Variants in PIP4K2A observed in about 807,000 individuals in gnomAD.
The protein encoded by PIP4K2A is phosphatidylinositol-5-phosphate 4-kinase type 2 alpha, also known as phosphatidylinositol 5-phosphate 4-kinase type-2 alpha.
A neutral mutation model predicts 42.9 loss-of-function variants in PIP4K2A; 14 were observed. The ratio of observed to expected loss-of-function variants is 0.33; its 90% CI spans 0.22 to 0.51. The LOEUF (loss-of-function observed/expected upper bound fraction) is 0.51, where lower values mean the gene tolerates loss of function less well. PIP4K2A is among the 20% of genes least tolerant of loss of function. PIP4K2A has a pLI of 0.97. For synonymous variants in PIP4K2A, 192 were observed against 192.2 expected (o/e 1.00, Z 0.01); for missense variants, 434 against 519.8 (o/e 0.83, Z 1.61).
At chr10:22,568,916 C>G in intron 5 of PIP4K2A, 1 of 898,598 alleles carries the variant, frequency 1.1e-6, no homozygotes, top group South Asian at 1.4e-5. Flanking sequence ...CCCTAACTAT[C>G]GTGAGGTCAG....
rs544479983 is a variant in PIP4K2A, at chr10:22,630,248, T to A, written c.145-20531A>T. On this transcript the variant is annotated intron_variant, in intron 1 of 9. Coordinates refer to ENST00000376573, the MANE Select transcript of PIP4K2A (RefSeq NM_005028.5). ...TTATTTGGAGGGCTGGGGTTTCATA[T>A]CAAACAGCCTTTTTGTTTGATATGA... 1.5e-4 allele frequency among the ~76,000 whole-genome samples: 23 copies of A among 152,082 alleles called. 1 individual carries two copies. Among genetic ancestry groups the A allele is most frequent in the Admixed American group, 1.5e-3 (23 of 15,292 alleles).
intron 1 of PIP4K2A, among the ~76,000 whole-genome samples, chr10:22,641,312 C>G (rs748080369): frequency 4.0e-4 from 61 of 152,204 alleles, no homozygotes; most frequent in Non-Finnish European, 2.6e-4. Flanking sequence ...TTAACAAGGC[C>G]ACTCTCTGCC....
intron 1 of PIP4K2A, among the ~76,000 whole-genome samples, chr10:22,668,476 C>T (rs1429298260): frequency 6.6e-6 from 1 of 152,100 alleles, no homozygotes; most frequent in Non-Finnish European, 1.5e-5. Context: ...GCTTCTGGAT[C>T]ATATTGAAAT....
chr10:22,682,899 C>T (rs1225906288), intron 1 of PIP4K2A, among the ~76,000 whole-genome samples: 2 of 152,154 alleles, frequency 1.3e-5, no homozygotes, highest in East Asian at 1.9e-4. Flanking sequence ...GCATCATTTG[C>T]GTCTGAAAAT....
intron 1 of PIP4K2A, among the ~76,000 whole-genome samples, chr10:22,627,288 G>A (rs1283421652): frequency 1.3e-5 from 2 of 151,932 alleles, no homozygotes; most frequent in African/African-American, 4.8e-5. Context: ...AATCATTTGA[G>A]GCTAACAGTT....
At chr10:22,636,555 TAC>T (rs1270625945) in intron 1 of PIP4K2A, among the ~76,000 whole-genome samples, 1 of 152,192 alleles carries the variant, frequency 6.6e-6, no homozygotes, top group Non-Finnish European at 1.5e-5. Context: ...TGAGCTGCCA[TAC>T]ACAGTCAAAA....
chr10:22,572,592 A>G (rs1231401804), intron 5 of PIP4K2A, among the ~76,000 whole-genome samples: 1 of 150,266 alleles, frequency 6.7e-6, no homozygotes, highest in Non-Finnish European at 1.5e-5. Context: ...GCAACAGAGG[A>G]AGACTCTTTC....
Position 22,680,452 on chromosome 10 carries a change from T to A in PIP4K2A, c.144+33731A>T, listed in dbSNP as rs189904679. On this transcript the variant is annotated intron_variant, in intron 1 of 9. Coordinates refer to ENST00000376573, the MANE Select transcript of PIP4K2A (RefSeq NM_005028.5). ...ATAATCATAAAAATAGCATTTAATGTCTTAGATGAGCCACACGTACCAGGA... is the reference window on the plus strand; with the variant it reads ...ATAATCATAAAAATAGCATTTAATGACTTAGATGAGCCACACGTACCAGGA... Among the ~76,000 whole-genome samples, 409 of 152,306 alleles carry A rather than the reference T, an allele frequency of 2.7e-3. 6 individuals carry two copies. Among genetic ancestry groups the A allele is most frequent in the African/African-American group, 7.8e-3 (324 of 41,576 alleles).
chr10:22,568,842 T>C (rs1454273349), intron 5 of PIP4K2A, among the ~76,000 whole-genome samples: 2 of 152,218 alleles, frequency 1.3e-5, no homozygotes, highest in Non-Finnish European at 2.9e-5. Flanking sequence ...GTTTACTGCA[T>C]AAATGGCTGG....
intron 4 of PIP4K2A, among the ~76,000 whole-genome samples, chr10:22,574,448 T>G (rs1005055868): frequency 6.6e-6 from 1 of 151,148 alleles, no homozygotes; most frequent in Non-Finnish European, 1.5e-5. Context: ...TTTTCTGTTT[T>G]TTTTTTTTTT....
intron 1 of PIP4K2A, among the ~76,000 whole-genome samples, chr10:22,619,947 C>G (rs1436825170): frequency 6.6e-6 from 1 of 152,184 alleles, no homozygotes; most frequent in Non-Finnish European, 1.5e-5. Context: ...GCACAAAGGT[C>G]ATCCTTTCCA....
chr10:22,558,118 T>A (rs1297539656), intron 6 of PIP4K2A, among the ~76,000 whole-genome samples: 1 of 152,220 alleles, frequency 6.6e-6, no homozygotes, highest in Non-Finnish European at 1.5e-5. Context: ...GGTGTCCTTT[T>A]GATACGCTGT....
At chr10:22,646,042 G>A (rs1838874831) in intron 1 of PIP4K2A, among the ~76,000 whole-genome samples, 1 of 151,916 alleles carries the variant, frequency 6.6e-6, no homozygotes, top group Non-Finnish European at 1.5e-5. Context: ...ATTAACTCAG[G>A]TAAACCATTT....
chr10:22,678,008 C>G (rs1182613185), intron 1 of PIP4K2A, among the ~76,000 whole-genome samples: 1 of 152,186 alleles, frequency 6.6e-6, no homozygotes, highest in Admixed American at 6.5e-5. Flanking sequence ...AAATGAATAG[C>G]TGACCATTAA....
Position 22,540,249 on chromosome 10 carries a change from C to A in PIP4K2A, c.1037-175G>T, listed in dbSNP as rs116930016. Reference sequence around the variant, plus strand: ...CACCCCTGCGGATCCTGACTAAACACACAGCTTGCCTCTCTGACCCAGTCC... The same window carrying A: ...CACCCCTGCGGATCCTGACTAAACAAACAGCTTGCCTCTCTGACCCAGTCC... On this transcript the variant is annotated intron_variant, in intron 8 of 9. Transcript: ENST00000376573. Among the ~76,000 whole-genome samples, 41 of 152,230 alleles carry A rather than the reference C, an allele frequency of 2.7e-4. No homozygotes were observed. In the East Asian group the frequency reaches 3.7e-3, roughly 14 times the overall value.
intron 1 of PIP4K2A, among the ~76,000 whole-genome samples, chr10:22,709,263 C>G (rs1392817323): frequency 2.0e-5 from 3 of 152,162 alleles, no homozygotes; most frequent in Non-Finnish European, 4.4e-5. Context: ...AATTACAGTG[C>G]TAGGCCTTAA....
chr10:22,632,571 C>G (rs1260912607), intron 1 of PIP4K2A, among the ~76,000 whole-genome samples: 1 of 152,154 alleles, frequency 6.6e-6, no homozygotes, highest in Non-Finnish European at 1.5e-5. Flanking sequence ...CTCTCACACC[C>G]CACTGGGATA....
rs192551486 is a variant in PIP4K2A at position 22,578,763 on chromosome 10, C to A, written c.493-5306G>T. On this transcript the variant is annotated intron_variant, in intron 4 of 9. Coordinates refer to ENST00000376573, the MANE Select transcript of PIP4K2A (RefSeq NM_005028.5). ...TCATCTAGTGTAATACAGCTTCCTG[C>A]CAAATGTAAGCTCCACGAAGGTGGC... Among the ~76,000 whole-genome samples the A allele has an allele frequency of 7.2e-5, 11 of 152,322 alleles. No homozygotes were observed. The East Asian group carries it at 2.1e-3, about 29-fold the overall frequency.
intron 7 of PIP4K2A, among the ~76,000 whole-genome samples, chr10:22,550,063 C>T (rs967676012): frequency 1.3e-5 from 2 of 152,110 alleles, no homozygotes; most frequent in Non-Finnish European, 2.9e-5. Flanking sequence ...GCCCCTTGGA[C>T]ACTGTTCTAT....
Sources: allele counts gnomAD v4.1 joint callset (sites outside exome capture counted in the v4.1 genomes callset), GRCh38; gene constraint gnomAD v4.1.1; transcripts MANE v1.5; gene names NCBI Gene and HGNC (gene_info 2026-07-23, HGNC 2026-07-21).